SLC25A37: variants seen among roughly 807,000 people sequenced by gnomAD.
SLC25A37 encodes the protein solute carrier family 25 member 37, also known as mitoferrin-1.
SLC25A37 carries 17 observed loss-of-function variants against 31.0 expected under a neutral mutation model. The observed-to-expected ratio is 0.55, with a 90% CI of 0.38 to 0.82. SLC25A37 has a LOEUF of 0.82. Ranked by LOEUF, SLC25A37 falls within the 40% of genes least tolerant of loss-of-function variation. SLC25A37 has a pLI of 0.00. For synonymous variants in SLC25A37, 222 were observed against 193.0 expected (o/e 1.15, Z -1.24); for missense variants, 404 against 465.8 (o/e 0.87, Z 1.22).
chr8:23,554,753 T>C (rs1326818479), intron 1 of SLC25A37, among the ~76,000 whole-genome samples: 1 of 152,094 alleles, frequency 6.6e-6, no homozygotes, highest in Non-Finnish European at 1.5e-5. Flanking sequence ...AACTGGTATG[T>C]GATGTTAGTG....
chr8:23,556,150 C>A (rs1458526833), intron 1 of SLC25A37, among the ~76,000 whole-genome samples: 1 of 152,056 alleles, frequency 6.6e-6, no homozygotes, highest in Admixed American at 6.5e-5. Context: ...CCCCATCCCC[C>A]ACTTTTTTGA....
At chr8:23,534,288 G>T (rs969320954) in intron 1 of SLC25A37, among the ~76,000 whole-genome samples, 1 of 152,070 alleles carries the variant, frequency 6.6e-6, no homozygotes, top group Non-Finnish European at 1.5e-5. Flanking sequence ...CTTCCCTAAA[G>T]TTCCCTCAAC....
chr8:23,549,650 G>C (rs745508758), intron 1 of SLC25A37, among the ~76,000 whole-genome samples: 9 of 152,206 alleles, frequency 5.9e-5, no homozygotes, highest in Non-Finnish European at 1.2e-4. Context: ...GGTGTGTGGA[G>C]AAAGAACATC....
In SLC25A37 at chr8:23,529,789, C is replaced by G. The variant is rs117976733; in HGVS notation, c.210+577C>G. Among the ~76,000 whole-genome samples the G allele has an allele frequency of 6.6e-6, 1 of 152,170 alleles. No homozygotes were observed. Among genetic ancestry groups the G allele is most frequent in the Non-Finnish European group, 1.5e-5 (1 of 68,030 alleles). On this transcript the variant is annotated intron_variant, in intron 1 of 3. Transcript: ENST00000519973. The surrounding 1 kb of genome is among the most constrained non-coding windows in gnomAD (Gnocchi z 4.1). ...TAGTGGCAGCTCTTTACCGGTTCGACAGCGGCCCGTGGGATCCCCTTTCTG... is the reference window on the plus strand; with the variant it reads ...TAGTGGCAGCTCTTTACCGGTTCGAGAGCGGCCCGTGGGATCCCCTTTCTG...
At chr8:23,563,649 CTG>C (rs1431010508) in intron 1 of SLC25A37, among the ~76,000 whole-genome samples, 1 of 152,172 alleles carries the variant, frequency 6.6e-6, no homozygotes, top group Non-Finnish European at 1.5e-5. Context: ...TTTTGCCAGT[CTG>C]TGGTAGGAAA....
chr8:23,573,138 G>C lies in SLC25A37; in HGVS notation c.*1283G>C, dbSNP rs927732618. 7.2e-5 allele frequency: 11 copies of C among 152,254 alleles called. No homozygotes were observed. Among genetic ancestry groups the C allele is most frequent in the African/African-American group, 2.4e-4 (10 of 41,426 alleles). The allele number at this position is 152,254 out of a possible 1,614,324, so 9.4% of individuals were successfully genotyped here. A position where few individuals can be genotyped will look rare whatever the true frequency, so the allele number is the denominator to read the frequency against. ...CACAGCTTCTCACTGCATGTGACAA[G>C]AGCCAGGCCTATCTGCTAGGGCCCT... On this transcript the variant is annotated 3_prime_UTR_variant, in exon 4 of 4. Coordinates refer to ENST00000519973, the MANE Select transcript of SLC25A37 (RefSeq NM_016612.4).
intron 1 of SLC25A37, among the ~76,000 whole-genome samples, chr8:23,540,151 A>G (rs1801858698): frequency 6.6e-6 from 1 of 152,232 alleles, no homozygotes; most frequent in Admixed American, 6.5e-5. Flanking sequence ...GAAGGTGAGA[A>G]AAGGCAGGTG....
chr8:23,571,441 C>T lies in SLC25A37; in HGVS notation c.603C>T (p.Tyr201=), dbSNP rs1802832775. The T allele has an allele frequency of 1.9e-6, 3 of 1,614,058 alleles. No individual in the cohort carries two copies. The East Asian group carries it at 6.7e-5, about 36-fold the overall frequency. ...TEGLGAFYRS[Y]TTQLTMNIPF... ...GGTTGGGGGCCTTCTACCGGAGCTACACCACGCAGCTGACCATGAACATCC... is the reference window on the plus strand; with the variant it reads ...GGTTGGGGGCCTTCTACCGGAGCTATACCACGCAGCTGACCATGAACATCC... The change falls in exon 4 of 4, where the codon TAC becomes TAT. Residue 201 remains tyrosine, a synonymous_variant. Transcript: ENST00000519973.
At chr8:23,552,621 C>A (rs542608593) in intron 1 of SLC25A37, among the ~76,000 whole-genome samples, 47 of 152,310 alleles carry the variant, frequency 3.1e-4, no homozygotes, top group African/African-American at 8.4e-4. Flanking sequence ...CCTTCCCATC[C>A]TATCCCAACC....
intron 1 of SLC25A37, among the ~76,000 whole-genome samples, chr8:23,546,553 A>ATATATATATATAG (rs377556225): frequency 5.8e-5 from 1 of 17,102 alleles, no homozygotes; most frequent in Non-Finnish European, 1.3e-4. Flanking sequence ...ATATATATAT[A>ATATATATATATAG]GTGTATATAT....
intron 1 of SLC25A37, among the ~76,000 whole-genome samples, chr8:23,549,910 A>G (rs1802176946): frequency 7.2e-6 from 1 of 138,548 alleles, no homozygotes; most frequent in South Asian, 2.2e-4. Context: ...CAGCAGGCAG[A>G]ATTTGAGGAG....
chr8:23,564,049 T>G (rs1802585460), intron 1 of SLC25A37, among the ~76,000 whole-genome samples: 1 of 152,150 alleles, frequency 6.6e-6, no homozygotes, highest in African/African-American at 2.4e-5. Flanking sequence ...GTAGTCTTCC[T>G]TACTTTTTTT....
intron 1 of SLC25A37, among the ~76,000 whole-genome samples, chr8:23,551,232 A>G (rs1368095886): frequency 2.0e-5 from 3 of 152,208 alleles, no homozygotes; most frequent in Non-Finnish European, 2.9e-5. Context: ...TCTGCCAGCT[A>G]TCTAAGTTTT....
At chr8:23,540,251 C>T (rs4871881) in intron 1 of SLC25A37, among the ~76,000 whole-genome samples, 10 of 152,102 alleles carry the variant, frequency 6.6e-5, no homozygotes, top group Middle Eastern at 3.4e-3. Context: ...GAGCTGAAAG[C>T]GAGAGAAGAG....
At chr8:23,546,588 TATATATATA>T (rs1423565009) in intron 1 of SLC25A37, among the ~76,000 whole-genome samples, 74 of 73,316 alleles carry the variant, frequency 1.0e-3, no homozygotes, top group African/African-American at 5.8e-3. Context: ...ATATAGTGTA[TATATATATA>T]GTGTATGTGT....
At chr8:23,549,924 T>C (rs1802177262) in intron 1 of SLC25A37, among the ~76,000 whole-genome samples, 2 of 138,046 alleles carry the variant, frequency 1.4e-5, no homozygotes, top group Non-Finnish European at 3.0e-5. Flanking sequence ...TGAGGAGGAC[T>C]TAAAATACCT....
chr8:23,566,117 C>A lies in SLC25A37; in HGVS notation c.220C>A (p.Gln74Lys). Residue 74 changes from glutamine (Q) to lysine (K), a missense_variant, in exon 2 of 4, where the codon CAG becomes AAG. This residue lies in a region of SLC25A37 where 154 missense variants were observed against 153.6 expected (regional missense o/e 1.00). Transcript: ENST00000519973. ...TCTTGCCCGCTCCCAGACACGAATG[C>A]AGAGTTTGAGTCCAGATCCCAAAGC... is the stretch of plus-strand genomic sequence containing the variant. ...YPVDSVKTRM[Q>K]SLSPDPKAQY... 1 of 1,585,028 alleles carries A rather than the reference C, an allele frequency of 6.3e-7. No homozygotes were observed. Among genetic ancestry groups the A allele is most frequent in the Non-Finnish European group, 8.5e-7 (1 of 1,170,994 alleles).
chr8:23,566,292 T>C lies in SLC25A37; in HGVS notation c.395T>C (p.Leu132Ser). 2.5e-6 allele frequency: 4 copies of C among 1,597,538 alleles called. No individual in the cohort carries two copies. The South Asian group carries it at 3.4e-5, about 14-fold the overall frequency. ...TGCTATGAAAACATGAAAAGGACTTTAAATGACGTTTTCCACCACCAAGGA... is the reference window on the plus strand; with the variant it reads ...TGCTATGAAAACATGAAAAGGACTTCAAATGACGTTTTCCACCACCAAGGA... ...FACYENMKRT[L>S]NDVFHHQGNS... is the part of the protein sequence containing the mutation. Residue 132 changes from leucine (L) to serine (S), a missense_variant, in exon 2 of 4, where the codon TTA (leucine) becomes TCA (serine). Physicochemically the swap from Leu to Ser is moderately radical, Grantham distance 145. Around this residue, in one of 3 missense-constraint regions of SLC25A37, gnomAD observed 243 missense variants for 284.4 expected, o/e 0.85. Coordinates refer to ENST00000519973, the MANE Select transcript of SLC25A37 (RefSeq NM_016612.4).
chr8:23,558,595 T>C (rs1418612361), intron 1 of SLC25A37, among the ~76,000 whole-genome samples: 1 of 152,222 alleles, frequency 6.6e-6, no homozygotes, highest in South Asian at 2.1e-4. Context: ...TAGGGGAGAA[T>C]TGGTGTCAGG....
Sources: allele counts gnomAD v4.1 joint callset (sites outside exome capture counted in the v4.1 genomes callset), GRCh38; gene constraint gnomAD v4.1.1; regional missense constraint gnomAD v4.1.1; non-coding constraint Gnocchi (gnomAD v3.1); transcripts MANE v1.5; gene names NCBI Gene and HGNC (gene_info 2026-07-23, HGNC 2026-07-21).